Variants in KDM5C observed in about 807,000 individuals in gnomAD.
KDM5C encodes lysine demethylase 5C, also known as lysine-specific demethylase 5C.
In KDM5C, 16 loss-of-function variants were observed where a neutral mutation model predicts 110.6. The observed-to-expected ratio is 0.14, with a 90% CI of 0.10 to 0.22. The LOEUF (loss-of-function observed/expected upper bound fraction) is 0.22, where lower values mean the gene tolerates loss of function less well. KDM5C is among the 10% of genes least tolerant of loss of function. The pLI is 1.00. For synonymous variants in KDM5C, 511 were observed against 520.4 expected, an observed-to-expected ratio of 0.98 and a Z score of 0.24; for missense variants, 681 against 1,300.9, an observed-to-expected ratio of 0.52 and a Z score of 7.33.
chrX:53,179,275 G>A (rs1239209569), intron 25 of KDM5C, among the ~76,000 whole-genome samples: 2 of 108,348 alleles, frequency 1.8e-5, no homozygotes, highest in African/African-American at 3.4e-5. Flanking sequence ...GCAGTGAGCC[G>A]AGATCGTGCC....
In KDM5C at chrX:53,192,931, G is replaced by C; in HGVS notation, c.*36C>G. 1 of 1,137,604 alleles carries C rather than the reference G, an allele frequency of 8.8e-7. No individual in the cohort carries two copies. The highest frequency in any genetic ancestry group is 1.2e-6 in the Non-Finnish European group (1 of 861,024). The allele number at this position is 1,137,604 out of a possible 1,213,427, so 93.8% of individuals were successfully genotyped here. ...AAAGAGGATCCTTGAGGCCGAGGGG[G>C]GTCTCTGTCAGGGTCTGTGCTAGGC... On this transcript the variant is annotated 3_prime_UTR_variant, in exon 26 of 26. Coordinates refer to ENST00000375401, the MANE Select transcript of KDM5C (RefSeq NM_004187.5).
intron 25 of KDM5C, among the ~76,000 whole-genome samples, chrX:53,182,456 C>T (rs917648900): frequency 7.2e-5 from 8 of 110,493 alleles, no homozygotes; most frequent in African/African-American, 2.6e-4. Context: ...TAGCTGCCAC[C>T]TCCCAGGTTC....
At chrX:53,206,845 C>A (rs1386239239) in intron 12 of KDM5C, among the ~76,000 whole-genome samples, 1 of 67,986 alleles carries the variant, frequency 1.5e-5, no homozygotes, top group Non-Finnish European at 2.5e-5. Context: ...CCCAGGGCAA[C>A]AGAGCAAGAT....
Position 53,198,388 on chromosome X carries a change from C to T in KDM5C, c.2516+102G>A, listed in dbSNP as rs1396168420. On this transcript the variant is annotated intron_variant, in intron 17 of 25. Transcript: ENST00000375401. The stretch of plus-strand genomic sequence containing the variant: ...TGCCTGGCAGCTTCCTGCTGATGTC[C>T]ATTCTGCCAAATGGTATTCACAGTC... 117 of 1,015,658 alleles carry T rather than the reference C, an allele frequency of 1.2e-4. 1 individual carries two copies. Among genetic ancestry groups the T allele is most frequent in the Middle Eastern group, 3.6e-4 (1 of 2,787 alleles). The allele number at this position is 1,015,658 out of a possible 1,213,427, so 83.7% of individuals were successfully genotyped here. A position where few individuals can be genotyped will look rare whatever the true frequency, so the allele number is the denominator to read the frequency against.
chrX:53,217,107 C>G, intron 5 of KDM5C, 36 bp downstream of exon 5: 3 of 1,190,511 alleles, frequency 2.5e-6, no homozygotes, highest in Non-Finnish European at 3.4e-6. Flanking sequence ...CTCCCTCCAC[C>G]TCAAAGCTCT....
rs782035942 is a variant in KDM5C, at chrX:53,196,730, A to G, written c.2937T>C (p.Ile979=). Residue 979 remains isoleucine, a synonymous_variant, in exon 19 of 26, where the codon ATT becomes ATC. Transcript: ENST00000375401. ...AQAELQELLT[I]AERWEEKAHL... ...GGGCTTTCTCCTCCCAGCGTTCAGC[A>G]ATGGTCAGCAGTTCCTGCAGCTCGG... The G allele has an allele frequency of 8.2e-7, 1 of 1,212,132 alleles. No homozygotes were observed. The highest frequency in any genetic ancestry group is 1.8e-5 in the South Asian group (1 of 57,038).
In KDM5C at chrX:53,198,655, G is replaced by A. The variant is rs201908141; in HGVS notation, c.2369-18C>T. ...TTCAAGGCCTGGAAGAAAAATGAGG[G>A]CAGCAAAGAGTAGGCAGTATTGAAT... On this transcript the variant is annotated intron_variant, in intron 16 of 25. Coordinates refer to ENST00000375401, the MANE Select transcript of KDM5C (RefSeq NM_004187.5). 5.0e-6 allele frequency: 6 copies of A among 1,210,408 alleles called. No individual in the cohort carries two copies. In the East Asian group the frequency reaches 1.8e-4, roughly 36 times the overall value.
chrX:53,212,237 G>A, intron 8 of KDM5C, among the ~76,000 whole-genome samples: 2 of 110,724 alleles, frequency 1.8e-5, no homozygotes, highest in South Asian at 7.7e-4. Context: ...TTATCTAAAT[G>A]GCTCTGACTT....
rs1178349416 is a variant in KDM5C, at chrX:53,214,432, A to C, written c.1122+257T>G. On this transcript the variant is annotated intron_variant, in intron 8 of 25. Transcript: ENST00000375401. Reference sequence around the variant, plus strand: ...TATATCTCAGAGTTTCTAACACACAATTTAGCCTCTGTTTATATGTCACCA... The same window carrying C: ...TATATCTCAGAGTTTCTAACACACACTTTAGCCTCTGTTTATATGTCACCA... The C allele has an allele frequency of 8.0e-6, 3 of 372,765 alleles. No homozygotes were observed. The Admixed American group carries it at 1.4e-4, about 18-fold the overall frequency. 30.7% of individuals were successfully genotyped at this position (372,765 alleles called of 1,213,427 possible).
intron 14 of KDM5C, chrX:53,201,207 C>CA (rs1177647898): frequency 2.3e-5 from 6 of 257,845 alleles, no homozygotes; most frequent in African/African-American, 1.7e-4. Context: ...TTTCATATGC[C>CA]AGTCTATTTT....
chrX:53,199,101 A>G lies in KDM5C; in HGVS notation c.2119T>C (p.Cys707Arg). The change falls in exon 15 of 26, where the codon TGT becomes CGT. Residue 707 changes from cysteine to arginine, a missense_variant. By Grantham distance (180) the Cys-to-Arg change is radical. Coordinates refer to ENST00000375401, the MANE Select transcript of KDM5C (RefSeq NM_004187.5). ...FELLPDDERQ[C>R]IKCKTTCFLS... ...AAACACGTAGTCTTGCACTTGATAC[A>G]CTGGCGCTCATCATCTGGGAGCAGC... The G allele has an allele frequency of 8.3e-7, 1 of 1,211,867 alleles. No individual in the cohort carries two copies. Among genetic ancestry groups the G allele is most frequent in the Non-Finnish European group, 1.1e-6 (1 of 895,446 alleles).
intron 18 of KDM5C, 168 bp downstream of exon 18, chrX:53,197,603 A>G (rs1480494032): frequency 2.1e-6 from 1 of 481,238 alleles, no homozygotes; most frequent in African/African-American, 2.4e-5. Context: ...GCCCATTTCT[A>G]ACAGACAAGT....
At chrX:53,221,572 T>C (rs911884461) in intron 1 of KDM5C, 20 of 359,153 alleles carry the variant, frequency 5.6e-5, no homozygotes, top group African/African-American at 2.1e-4. Context: ...TCAGGTCCGA[T>C]TGTGGCAGGA....
chrX:53,203,319 G>A (rs2146876217), intron 12 of KDM5C, among the ~76,000 whole-genome samples: 1 of 111,340 alleles, frequency 9.0e-6, no homozygotes, highest in East Asian at 2.8e-4. Flanking sequence ...GATATATCTT[G>A]GTATGAATTT....
At chrX:53,180,525 G>A (rs1286501847) in intron 25 of KDM5C, among the ~76,000 whole-genome samples, 1 of 109,661 alleles carries the variant, frequency 9.1e-6, no homozygotes, top group Non-Finnish European at 1.9e-5. Context: ...GGAGCAGGGG[G>A]TATATGGGAT....
At chrX:53,201,772 G>A (rs1556841926) in intron 13 of KDM5C, 28 bp from the exon 14 acceptor site, 1 of 1,210,746 alleles carries the variant, frequency 8.3e-7, no homozygotes, top group South Asian at 1.8e-5. Flanking sequence ...GTTGAGTGTG[G>A]CCAAGTCTGG....
At position 53,216,084 on chromosome X, in the gene KDM5C, C is replaced by T. The variant is rs370470970; in HGVS notation, c.771G>A (p.Leu257=). Residue 257 remains leucine, a synonymous_variant, in exon 6 of 26, where the codon CTG becomes CTA. Coordinates refer to ENST00000375401, the MANE Select transcript of KDM5C (RefSeq NM_004187.5). ...GLGLMAKDKT[L]RKKDKEGPEC... ...CCTGTTAGGCCTTACCTTTCTTCCGCAGAGTCTTGTCTTTGGCCATGAGGC... is the reference window on the plus strand; with the variant it reads ...CCTGTTAGGCCTTACCTTTCTTCCGTAGAGTCTTGTCTTTGGCCATGAGGC... The T allele has an allele frequency of 2.2e-5, 27 of 1,211,476 alleles. No homozygotes were observed. In the African/African-American group the frequency reaches 4.0e-4, roughly 18 times the overall value.
chrX:53,214,971 C>T (rs2073699168), intron 7 of KDM5C, 124 bp from the exon 8 acceptor site: 4 of 715,825 alleles, frequency 5.6e-6, no homozygotes, highest in Middle Eastern at 3.0e-4. Flanking sequence ...TATGTACCAT[C>T]TCCCCAAATA....
At chrX:53,191,170 C>T (rs1934401545), downstream of KDM5C, among the ~76,000 whole-genome samples, 1 of 111,790 alleles carries the variant, frequency 8.9e-6, no homozygotes, top group African/African-American at 3.3e-5. Flanking sequence ...CCCACAAAAA[C>T]ATGTAAACAA....
Sources: allele counts gnomAD v4.1 joint callset (sites outside exome capture counted in the v4.1 genomes callset), GRCh38; gene constraint gnomAD v4.1.1; transcripts MANE v1.5; gene names NCBI Gene and HGNC (gene_info 2026-07-23, HGNC 2026-07-21).